AGBL4: variants seen among roughly 807,000 people sequenced by gnomAD.
AGBL4 encodes the protein cytosolic carboxypeptidase 6.
In AGBL4, 58 loss-of-function variants were observed where a neutral mutation model predicts 66.4. The observed-to-expected ratio is 0.87, with a 90% CI of 0.71 to 1.09. The LOEUF (loss-of-function observed/expected upper bound fraction) is 1.09. AGBL4 is among the 50% of genes least tolerant of loss of function. The probability of loss-of-function intolerance (pLI) is 0.00; values close to 1 mark genes in which losing one functional copy is unlikely to be tolerated. For missense variants in AGBL4, 579 were observed against 631.0 expected (o/e 0.92, Z 0.88); for synonymous variants, 234 against 222.9 (o/e 1.05, Z -0.44).
chr1:49,521,458 C>T (rs907973294), intron 3 of AGBL4, among the ~76,000 whole-genome samples: 1 of 151,906 alleles, frequency 6.6e-6, no homozygotes, highest in African/African-American at 2.4e-5. Flanking sequence ...TAAATCCACA[C>T]ACCTATAGAA....
chr1:48,794,936 C>T (rs1374318848), intron 6 of AGBL4, among the ~76,000 whole-genome samples: 3 of 152,162 alleles, frequency 2.0e-5, no homozygotes, highest in Non-Finnish European at 4.4e-5. Flanking sequence ...GAGAAGCCTG[C>T]TTCTCCTGAA....
At chr1:48,838,446 G>T (rs2148793465) in intron 6 of AGBL4, among the ~76,000 whole-genome samples, 1 of 152,164 alleles carries the variant, frequency 6.6e-6, no homozygotes, top group East Asian at 1.9e-4. Context: ...GAAAGGAAAA[G>T]CTCTTTAGTA....
intron 6 of AGBL4, among the ~76,000 whole-genome samples, chr1:48,836,343 G>C (rs965178523): frequency 6.6e-5 from 10 of 150,658 alleles, no homozygotes; most frequent in African/African-American, 2.4e-4. Context: ...CATAGGATTA[G>C]GTAATCCTTC....
At chr1:49,718,696 CTTATA>C (rs964837860) in intron 2 of AGBL4, among the ~76,000 whole-genome samples, 13 of 152,018 alleles carry the variant, frequency 8.6e-5, no homozygotes, top group East Asian at 3.9e-4. Flanking sequence ...TTCTATTAAA[CTTATA>C]TTATAAGTTG....
intron 6 of AGBL4, among the ~76,000 whole-genome samples, chr1:48,746,291 G>A (rs1650748572): frequency 6.6e-6 from 1 of 151,908 alleles, no homozygotes; most frequent in African/African-American, 2.4e-5. Flanking sequence ...TTACACTTGT[G>A]CGCTTAAGTT....
chr1:49,456,822 T>C (rs1646400836), intron 3 of AGBL4, among the ~76,000 whole-genome samples: 1 of 151,834 alleles, frequency 6.6e-6, no homozygotes, highest in East Asian at 1.9e-4. Context: ...GAACATACGA[T>C]GTTTGGTTTT....
chr1:49,408,721 G>C lies in AGBL4; in HGVS notation c.283-162857C>G, dbSNP rs560023004. Among the ~76,000 whole-genome samples, 7 of 152,310 alleles carry C rather than the reference G, an allele frequency of 4.6e-5. No homozygotes were observed. The East Asian group carries it at 1.4e-3, about 29-fold the overall frequency. ...TTTGGACTCTTGAAATTACACCAGTGGTTTGCCAGAGGCTCTCGGGCCTTA... is the reference window on the plus strand; with the variant it reads ...TTTGGACTCTTGAAATTACACCAGTCGTTTGCCAGAGGCTCTCGGGCCTTA... On this transcript the variant is annotated intron_variant, in intron 3 of 13. Coordinates refer to ENST00000371839, the MANE Select transcript of AGBL4 (RefSeq NM_032785.4).
chr1:48,761,326 G>A (rs1267148210), intron 6 of AGBL4: 10 of 1,542,006 alleles, frequency 6.5e-6, no homozygotes, highest in South Asian at 2.4e-5. Context: ...AGAAAGGAAA[G>A]ATTTTGTTAC....
intron 4 of AGBL4, among the ~76,000 whole-genome samples, chr1:49,133,978 G>C (rs1318951931): frequency 6.6e-6 from 1 of 151,866 alleles, no homozygotes; most frequent in Non-Finnish European, 1.5e-5. Flanking sequence ...TTTCAACAGA[G>C]GTTCTTTTCT....
At chr1:49,281,614 AC>A (rs1364521462) in intron 3 of AGBL4, among the ~76,000 whole-genome samples, 1 of 152,244 alleles carries the variant, frequency 6.6e-6, no homozygotes, top group African/African-American at 2.4e-5. Context: ...GCAACACGAT[AC>A]TGTGATTTAT....
chr1:49,759,309 C>A (rs1652130341), intron 2 of AGBL4, among the ~76,000 whole-genome samples: 1 of 152,130 alleles, frequency 6.6e-6, no homozygotes, highest in Non-Finnish European at 1.5e-5. Flanking sequence ...CCTGTATAAT[C>A]ACAGGAAAAC....
intron 6 of AGBL4, among the ~76,000 whole-genome samples, chr1:48,815,128 T>C (rs1192134160): frequency 1.3e-5 from 2 of 152,338 alleles, no homozygotes; most frequent in East Asian, 3.9e-4. Context: ...GTGGTTTTCA[T>C]TGGAATTTCC....
chr1:48,901,393 T>C (rs993514872), intron 5 of AGBL4, among the ~76,000 whole-genome samples: 2 of 152,188 alleles, frequency 1.3e-5, no homozygotes, highest in African/African-American at 4.8e-5. Context: ...TTAAAGTATA[T>C]GTCCTTGCAA....
intron 3 of AGBL4, among the ~76,000 whole-genome samples, chr1:49,540,799 C>G (rs1337458251): frequency 6.6e-6 from 1 of 151,914 alleles, no homozygotes; most frequent in African/African-American, 2.4e-5. Context: ...CTTTATATAC[C>G]TTTCCTAGCC....
At chr1:49,991,671 CCT>C in intron 1 of AGBL4, among the ~76,000 whole-genome samples, 1 of 152,100 alleles carries the variant, frequency 6.6e-6, no homozygotes, top group Non-Finnish European at 1.5e-5. Flanking sequence ...GTTCAAGGTG[CCT>C]AAAATAAATC....
At chr1:49,479,288 GA>G (rs1347232101) in intron 3 of AGBL4, among the ~76,000 whole-genome samples, 5 of 151,670 alleles carry the variant, frequency 3.3e-5, no homozygotes, top group African/African-American at 9.7e-5. Context: ...GAAATATCTA[GA>G]TTTTTTTTTT....
intron 3 of AGBL4, among the ~76,000 whole-genome samples, chr1:49,270,441 TA>T (rs1286772941): frequency 3.3e-5 from 5 of 150,974 alleles, no homozygotes; most frequent in Non-Finnish European, 7.4e-5. Flanking sequence ...CTCAGGGGGA[TA>T]TTTTTTTTTT....
chr1:48,599,343 C>T (rs1645042554), intron 9 of AGBL4, among the ~76,000 whole-genome samples: 1 of 152,198 alleles, frequency 6.6e-6, no homozygotes, highest in African/African-American at 2.4e-5. Context: ...AATTGCATTT[C>T]CACCTTTGTA....
intron 2 of AGBL4, among the ~76,000 whole-genome samples, chr1:49,711,513 C>T (rs148118727): frequency 3.9e-5 from 6 of 152,018 alleles, no homozygotes; most frequent in African/African-American, 7.2e-5. Flanking sequence ...CATTTATTCA[C>T]GAAAATGCAA....
Sources: allele counts gnomAD v4.1 joint callset (sites outside exome capture counted in the v4.1 genomes callset), GRCh38; gene constraint gnomAD v4.1.1; transcripts MANE v1.5; gene names NCBI Gene and HGNC (gene_info 2026-07-23, HGNC 2026-07-21).